Variants in FUT8 observed in about 807,000 individuals in gnomAD.
The protein encoded by FUT8 is fucosyltransferase 8, also known as alpha-(1,6)-fucosyltransferase.
Under a neutral mutation model 71.3 loss-of-function variants are expected in FUT8, and 29 were observed. The observed-to-expected ratio is 0.41, with a 90% CI of 0.30 to 0.55. FUT8 has a LOEUF of 0.55. FUT8 is among the 20% of genes least tolerant of loss of function. FUT8 has a pLI of 0.34. For synonymous variants in FUT8, 254 were observed against 239.3 expected, an observed-to-expected ratio of 1.06 and a Z score of -0.57; for missense variants, 544 against 702.1, an observed-to-expected ratio of 0.77 and a Z score of 2.55.
At chr14:65,585,528 C>T (rs192779794) in intron 3 of FUT8, among the ~76,000 whole-genome samples, 1 of 152,164 alleles carries the variant, frequency 6.6e-6, no homozygotes, top group African/African-American at 2.4e-5. Flanking sequence ...AAAGTTCTGT[C>T]TATATAAATA....
chr14:65,513,612 G>T (rs1238074248), intron 2 of FUT8, among the ~76,000 whole-genome samples: 1 of 150,752 alleles, frequency 6.6e-6, no homozygotes, highest in Non-Finnish European at 1.5e-5. Flanking sequence ...CAGTGAAATT[G>T]TTCCCTTCTC....
At chr14:65,482,882 T>C (rs1254510416) in intron 2 of FUT8, among the ~76,000 whole-genome samples, 1 of 152,194 alleles carries the variant, frequency 6.6e-6, no homozygotes, top group Non-Finnish European at 1.5e-5. Context: ...ACTTGCTTAG[T>C]GGACTGTAGC....
intron 1 of FUT8, among the ~76,000 whole-genome samples, chr14:65,421,742 C>CT (rs1417292839): frequency 1.7e-5 from 1 of 57,198 alleles, no homozygotes; most frequent in East Asian, 1.2e-3. Context: ...TTAACCCACC[C>CT]CCCCCTTTTT....
At chr14:65,645,910 T>C (rs542968070) in intron 6 of FUT8, 2 of 152,330 alleles carry the variant, frequency 1.3e-5, no homozygotes, top group African/African-American at 4.8e-5. Flanking sequence ...TACATAAATA[T>C]ATCTCTAAAT....
At chr14:65,670,262 T>C (rs1347318298) in intron 7 of FUT8, among the ~76,000 whole-genome samples, 1 of 152,174 alleles carries the variant, frequency 6.6e-6, no homozygotes, top group African/African-American at 2.4e-5. Context: ...GGCTACCTTG[T>C]TAAAATTGTG....
chr14:65,700,611 G>A (rs542384854), intron 7 of FUT8, among the ~76,000 whole-genome samples: 1 of 152,016 alleles, frequency 6.6e-6, no homozygotes, highest in Admixed American at 6.6e-5. Flanking sequence ...GTGTTATCCA[G>A]GATGGTCTCG....
chr14:65,452,429 G>A (rs577000810), intron 1 of FUT8, among the ~76,000 whole-genome samples: 7 of 152,266 alleles, frequency 4.6e-5, no homozygotes, highest in African/African-American at 9.6e-5. Flanking sequence ...GAGATCATGC[G>A]GTTGCTCTAG....
rs142282695 is a variant in FUT8, at chr14:65,499,035, A to G, written c.-228+43317A>G. On this transcript the variant is annotated intron_variant, in intron 2 of 10. Transcript: ENST00000673929. ...TGGGTAAGAACGTGTCTCCCAACAT[A>G]GGATTTCAGTTACTTCCCAAATATA... 7.4e-4 allele frequency among the ~76,000 whole-genome samples: 113 copies of G among 152,304 alleles called. 1 individual carries two copies. The highest frequency in any genetic ancestry group is 2.6e-3 in the African/African-American group (110 of 41,580).
At chr14:65,575,582 T>TCCGTCCTTCCTTC (rs35174023) in intron 3 of FUT8, among the ~76,000 whole-genome samples, 1 of 72,752 alleles carries the variant, frequency 1.4e-5, no homozygotes, top group Non-Finnish European at 3.1e-5. Context: ...CTTCCTTCCT[T>TCCGTCCTTCCTTC]CTTCCTTCCT....
chr14:65,401,886 G>T, the FUT8 span, among the ~76,000 whole-genome samples: 6 of 127,380 alleles, frequency 4.7e-5, no homozygotes, highest in East Asian at 1.4e-3. Context: ...GACAGAGTGA[G>T]ACCCTGTCTA....
intron 6 of FUT8, among the ~76,000 whole-genome samples, chr14:65,645,145 C>T (rs1385372020): frequency 6.6e-6 from 1 of 152,090 alleles, no homozygotes; most frequent in Non-Finnish European, 1.5e-5. Flanking sequence ...GTGAAAGCAC[C>T]ACAAGTATTG....
chr14:65,688,520 CAAAAAA>C (rs34293733), intron 7 of FUT8, among the ~76,000 whole-genome samples: 589 of 55,138 alleles, frequency 0.011, 2 homozygotes, highest in African/African-American at 0.033. Context: ...ATCCACATGC[CAAAAAA>C]AAAAAAAAAA....
At chr14:65,587,084 G>T (rs1019749869) in intron 3 of FUT8, among the ~76,000 whole-genome samples, 2 of 151,894 alleles carry the variant, frequency 1.3e-5, no homozygotes, top group Non-Finnish European at 2.9e-5. Flanking sequence ...AGCTACTCGG[G>T]ATGCTGAGGC....
At chr14:65,738,395 G>A (rs1896329740) in intron 10 of FUT8, among the ~76,000 whole-genome samples, 1 of 151,996 alleles carries the variant, frequency 6.6e-6, no homozygotes, top group South Asian at 2.1e-4. Flanking sequence ...ATGAAATTCA[G>A]ACTAATGGAT....
intron 6 of FUT8, among the ~76,000 whole-genome samples, chr14:65,663,698 A>G (rs1231613678): frequency 1.3e-5 from 2 of 152,032 alleles, no homozygotes; most frequent in Non-Finnish European, 2.9e-5. Flanking sequence ...TATGTCCTCT[A>G]TGACATAAAC....
chr14:65,677,114 TTG>T (rs1555383258), intron 7 of FUT8, among the ~76,000 whole-genome samples: 2,549 of 110,238 alleles, frequency 0.023, 95 homozygotes, highest in African/African-American at 0.073. Context: ...AAAGACATAT[TTG>T]TGTGTGTGTG....
At chr14:65,531,088 G>A (rs1183075994) in intron 2 of FUT8, among the ~76,000 whole-genome samples, 1 of 151,182 alleles carries the variant, frequency 6.6e-6, no homozygotes, top group Non-Finnish European at 1.5e-5. Flanking sequence ...TAGCTTAAAA[G>A]CATTGGAAAT....
At chr14:65,713,442 G>A (rs1011984805) in intron 7 of FUT8, among the ~76,000 whole-genome samples, 3 of 152,098 alleles carry the variant, frequency 2.0e-5, no homozygotes, top group African/African-American at 4.8e-5. Context: ...GGATCATATG[G>A]TAGCTCAATT....
chr14:65,635,312 AC>A (rs1171753215), intron 6 of FUT8, among the ~76,000 whole-genome samples: 1 of 152,106 alleles, frequency 6.6e-6, no homozygotes, highest in Non-Finnish European at 1.5e-5. Context: ...CTTCCTCTTT[AC>A]CGATTTGGAT....
Sources: gnomAD v4.1 joint callset for allele counts (sites outside exome capture counted in the v4.1 genomes callset) on GRCh38, gnomAD v4.1.1 for gene constraint, MANE v1.5 for transcripts, NCBI Gene and HGNC (gene_info 2026-07-23, HGNC 2026-07-21) for gene names.